MAMDC2: variants seen among roughly 807,000 people sequenced by gnomAD.
MAMDC2 encodes the protein MAM domain containing 2.
In MAMDC2, 57 loss-of-function variants were observed where a neutral mutation model predicts 89.8. The observed-to-expected ratio is 0.63, with a 90% CI of 0.51 to 0.79. The LOEUF (loss-of-function observed/expected upper bound fraction) is 0.79, where lower values mean the gene tolerates loss of function less well. MAMDC2 is among the 30% of genes least tolerant of loss of function. The pLI is 0.00. For missense variants in MAMDC2, 800 were observed against 820.6 expected, an observed-to-expected ratio of 0.97 and a Z score of 0.31; for synonymous variants, 313 against 293.4, an observed-to-expected ratio of 1.07 and a Z score of -0.68.
intron 2 of MAMDC2, chr9:70,086,506 T>C (rs1280708224): frequency 6.6e-6 from 1 of 152,156 alleles, no homozygotes; most frequent in Non-Finnish European, 1.5e-5. Context: ...CCTTGAGCAT[T>C]GGCAGTAGTG....
At chr9:70,093,164 G>A (rs1827944610) in intron 2 of MAMDC2, among the ~76,000 whole-genome samples, 3 of 152,162 alleles carry the variant, frequency 2.0e-5, no homozygotes, top group African/African-American at 4.8e-5. Flanking sequence ...CTTAAATGAA[G>A]CTGAAAGGTA....
chr9:70,151,265 C>T (rs1563976433), intron 9 of MAMDC2, among the ~76,000 whole-genome samples: 3 of 152,250 alleles, frequency 2.0e-5, no homozygotes, highest in Non-Finnish European at 4.4e-5. Flanking sequence ...ACCCAGATTA[C>T]TCCCCATTAG....
intron 9 of MAMDC2, among the ~76,000 whole-genome samples, chr9:70,151,764 G>A (rs7855849): frequency 3.9e-5 from 6 of 152,100 alleles, no homozygotes; most frequent in African/African-American, 1.4e-4. Flanking sequence ...GGGAAGTAAA[G>A]TATTTCTTTT....
intron 11 of MAMDC2, among the ~76,000 whole-genome samples, chr9:70,202,924 C>T (rs1209376621): frequency 6.7e-6 from 1 of 150,168 alleles, no homozygotes; most frequent in African/African-American, 2.4e-5. Flanking sequence ...CTTCCTCCAT[C>T]CTTTTATTTT....
chr9:70,114,803 G>C (rs1388196128), intron 5 of MAMDC2, among the ~76,000 whole-genome samples: 1 of 152,148 alleles, frequency 6.6e-6, no homozygotes, highest in Non-Finnish European at 1.5e-5. Context: ...ACAAAGGGTG[G>C]TATGTGTCAA....
At chr9:70,174,658 A>G (rs917158496) in intron 11 of MAMDC2, among the ~76,000 whole-genome samples, 1 of 152,054 alleles carries the variant, frequency 6.6e-6, no homozygotes, top group Non-Finnish European at 1.5e-5. Context: ...AGTGCTAGGA[A>G]ATGACCCAGA....
At chr9:70,217,270 G>C in intron 11 of MAMDC2, 1 of 1,107,106 alleles carries the variant, frequency 9.0e-7, no homozygotes, top group South Asian at 1.2e-5. Context: ...CAGGACCGAC[G>C]GGAAGGTTTT....
At chr9:70,170,442 A>T in intron 10 of MAMDC2, 37 bp from the exon 11 acceptor site, 1 of 1,569,852 alleles carries the variant, frequency 6.4e-7, no homozygotes, top group Non-Finnish European at 8.6e-7. Flanking sequence ...TCATTGAAAG[A>T]GTCTCAGTGA....
At chr9:70,078,618 C>G (rs1024516972) in intron 2 of MAMDC2, among the ~76,000 whole-genome samples, 1 of 151,884 alleles carries the variant, frequency 6.6e-6, no homozygotes, top group Non-Finnish European at 1.5e-5. Flanking sequence ...GTTGTAGTAC[C>G]CTGTGTAGCA....
intron 2 of MAMDC2, among the ~76,000 whole-genome samples, chr9:70,050,411 T>C (rs1445082227): frequency 1.3e-5 from 2 of 152,230 alleles, no homozygotes; most frequent in Non-Finnish European, 2.9e-5. Context: ...TCGTGGTTAG[T>C]ATAAGCTCTG....
At chr9:70,146,731 G>A (rs1276793680) in intron 9 of MAMDC2, among the ~76,000 whole-genome samples, 2 of 151,954 alleles carry the variant, frequency 1.3e-5, no homozygotes, top group African/African-American at 2.4e-5. Context: ...TCAGGAGTTC[G>A]AGACCAGCCT....
rs779877522 is a variant in MAMDC2, at chr9:70,140,234, C to T, written c.1084C>T (p.Arg362Ter). The T allele has an allele frequency of 8.1e-6, 13 of 1,599,136 alleles. No homozygotes were observed. Among genetic ancestry groups the T allele is most frequent in the South Asian group, 8.0e-5 (7 of 87,918 alleles). The part of the protein sequence containing the change: ...YQDKEGPGWT[R>*]VKVKPNMYRA... Reference sequence around the variant, plus strand: ...AGATAAAGAAGGTCCAGGTTGGACCCGAGTGAAAGTAAAACCAAACATGTA... The same window carrying T: ...AGATAAAGAAGGTCCAGGTTGGACCTGAGTGAAAGTAAAACCAAACATGTA... Residue 362 changes from arginine (R) to a stop codon, truncating the protein, a stop_gained, in exon 8 of 14, where the codon CGA (arginine) becomes TGA (stop). Transcript: ENST00000377182. LOFTEE classifies it high-confidence loss of function.
chr9:70,106,844 CTG>C (rs1480487359), intron 2 of MAMDC2, among the ~76,000 whole-genome samples: 1 of 152,176 alleles, frequency 6.6e-6, no homozygotes, highest in African/African-American at 2.4e-5. Context: ...AATGCCCTAA[CTG>C]TGTCCCTCAT....
At chr9:70,203,527 A>G (rs1389693892) in intron 11 of MAMDC2, among the ~76,000 whole-genome samples, 2 of 132,862 alleles carry the variant, frequency 1.5e-5, no homozygotes, top group African/African-American at 5.4e-5. Flanking sequence ...TCTGACATTT[A>G]TGTGTCTTGG....
At chr9:70,148,950 A>C (rs1411022191) in intron 9 of MAMDC2, among the ~76,000 whole-genome samples, 2 of 145,526 alleles carry the variant, frequency 1.4e-5, no homozygotes, top group African/African-American at 5.2e-5. Context: ...AATGGCGTGA[A>C]CCCGGGAGGT....
chr9:70,064,505 C>T (rs1310455205), intron 2 of MAMDC2, among the ~76,000 whole-genome samples: 1 of 152,222 alleles, frequency 6.6e-6, no homozygotes, highest in African/African-American at 2.4e-5. Flanking sequence ...TAAGGAACCA[C>T]TACAACCAAT....
intron 8 of MAMDC2, among the ~76,000 whole-genome samples, chr9:70,142,494 T>C (rs980650039): frequency 2.6e-5 from 4 of 152,220 alleles, no homozygotes; most frequent in Admixed American, 2.6e-4. Context: ...TTTCTGGCTG[T>C]TGTATGGCCA....
intron 2 of MAMDC2, among the ~76,000 whole-genome samples, chr9:70,049,945 G>A (rs1171195441): frequency 6.6e-6 from 1 of 151,888 alleles, no homozygotes; most frequent in Non-Finnish European, 1.5e-5. Context: ...GCAGCCCTTG[G>A]ACATTGCCTC....
intron 5 of MAMDC2, among the ~76,000 whole-genome samples, chr9:70,123,551 G>C (rs994960411): frequency 6.6e-6 from 1 of 152,154 alleles, no homozygotes; most frequent in Non-Finnish European, 1.5e-5. Context: ...GGTGGGGAGT[G>C]TTAGGCGTTG....
Sources: allele counts gnomAD v4.1 joint callset (sites outside exome capture counted in the v4.1 genomes callset), GRCh38; gene constraint gnomAD v4.1.1; transcripts MANE v1.5; gene names NCBI Gene and HGNC (gene_info 2026-07-23, HGNC 2026-07-21).